KIAA1549L: variants seen among roughly 807,000 people sequenced by gnomAD.
KIAA1549L encodes the protein UPF0606 protein KIAA1549L.
In KIAA1549L, 88 loss-of-function variants were observed where a neutral mutation model predicts 160.7. That is an observed-to-expected ratio of 0.55 (90% confidence interval 0.46 to 0.65). The LOEUF (loss-of-function observed/expected upper bound fraction) is 0.65, where lower values mean the gene tolerates loss of function less well. KIAA1549L is among the 30% of genes least tolerant of loss of function. The pLI, the probability that KIAA1549L is intolerant of heterozygous loss-of-function variation, is 0.00. For synonymous variants in KIAA1549L, 950 were observed against 976.7 expected (o/e 0.97, Z 0.51); for missense variants, 2,258 against 2,437.5 (o/e 0.93, Z 1.55).
At chr11:33,441,826 T>C (rs1019138330) in intron 1 of KIAA1549L, among the ~76,000 whole-genome samples, 15 of 152,244 alleles carry the variant, frequency 9.9e-5, no homozygotes, top group Non-Finnish European at 1.5e-4. Context: ...ATTAGCCCTT[T>C]GTCAGATGAG....
intron 13 of KIAA1549L, among the ~76,000 whole-genome samples, chr11:33,602,650 G>A (rs1850395049): frequency 6.6e-6 from 1 of 152,028 alleles, no homozygotes; most frequent in South Asian, 2.1e-4. Flanking sequence ...ACTGTGATGC[G>A]ATGCTATGCT....
intron 1 of KIAA1549L, among the ~76,000 whole-genome samples, chr11:33,478,727 A>T (rs1284042101): frequency 2.0e-5 from 3 of 152,084 alleles, no homozygotes; most frequent in Non-Finnish European, 2.9e-5. Context: ...AGGTGCTATT[A>T]TTTTTTTAAA....
intron 1 of KIAA1549L, among the ~76,000 whole-genome samples, chr11:33,496,967 C>G (rs1852835260): frequency 6.6e-6 from 1 of 152,162 alleles, no homozygotes; most frequent in Non-Finnish European, 1.5e-5. Context: ...TCTACCCCCA[C>G]AAACCCTTGC....
chr11:33,593,586 G>A (rs950172139), intron 12 of KIAA1549L, among the ~76,000 whole-genome samples: 1 of 152,242 alleles, frequency 6.6e-6, no homozygotes, highest in Non-Finnish European at 1.5e-5. Context: ...TCATGGGATG[G>A]TGTGAGAAGT....
rs71034686 is a variant in KIAA1549L, at chr11:33,435,759, GATATATATATATATATATATAT to G, written c.238+58901_238+58922del. ...CCTTCCAGAGAAACAGAACCAATAA[GATATATATATATATATATATAT>G]ATATATATATATATATATATATATA... On this transcript the variant is annotated intron_variant, in intron 1 of 20. Coordinates refer to ENST00000658780, the MANE Select transcript of KIAA1549L (RefSeq NM_012194.3). Among the ~76,000 whole-genome samples the G allele has an allele frequency of 6.7e-4, 10 of 14,988 alleles. 1 individual carries two copies. Among genetic ancestry groups the G allele is most frequent in the East Asian group, 1.9e-3 (1 of 532 alleles). 9.8% of individuals were successfully genotyped at this position (14,988 alleles called of 152,430 possible). A position where few individuals can be genotyped will look rare whatever the true frequency, so the allele number is the denominator to read the frequency against.
In KIAA1549L at chr11:33,411,383, A is replaced by C. The variant is rs145981928; in HGVS notation, c.238+34494A>C. Among the ~76,000 whole-genome samples, 232 of 152,228 alleles carry C rather than the reference A, an allele frequency of 1.5e-3. 1 individual carries two copies. Among genetic ancestry groups the C allele is most frequent in the African/African-American group, 5.5e-3 (227 of 41,532 alleles). On this transcript the variant is annotated intron_variant, in intron 1 of 20. Transcript: ENST00000658780. The stretch of plus-strand genomic sequence containing the variant: ...ACTCCACCTGAGACAACTGAAGCTG[A>C]TCCCTGGGGCAGCCTGCTCCTGCTG...
intron 1 of KIAA1549L, among the ~76,000 whole-genome samples, chr11:33,397,755 CAA>C (rs1340270168): frequency 1.7e-4 from 21 of 127,118 alleles, no homozygotes; most frequent in African/African-American, 5.3e-4. Context: ...CACACACACA[CAA>C]AAGTGAAAAC....
At chr11:33,491,305 A>G (rs1025280348) in intron 1 of KIAA1549L, among the ~76,000 whole-genome samples, 2 of 152,196 alleles carry the variant, frequency 1.3e-5, no homozygotes, top group African/African-American at 4.8e-5. Flanking sequence ...AGGGCTTTCA[A>G]TCCCCTTGGG....
At chr11:33,462,488 C>T (rs925251523) in intron 1 of KIAA1549L, among the ~76,000 whole-genome samples, 1 of 152,178 alleles carries the variant, frequency 6.6e-6, no homozygotes, top group Non-Finnish European at 1.5e-5. Context: ...TAGTGTGTTT[C>T]TTTCCCAAAT....
At chr11:33,461,264 T>C (rs1851936935) in intron 1 of KIAA1549L, among the ~76,000 whole-genome samples, 1 of 152,166 alleles carries the variant, frequency 6.6e-6, no homozygotes, top group Non-Finnish European at 1.5e-5. Flanking sequence ...GTATCTATTA[T>C]GTATTGTGCA....
At chr11:33,530,401 AAAG>A (rs1322448838) in intron 1 of KIAA1549L, among the ~76,000 whole-genome samples, 4 of 104,230 alleles carry the variant, frequency 3.8e-5, no homozygotes, top group Non-Finnish European at 5.7e-5. Flanking sequence ...GACTCCGTCT[AAAG>A]AAGAAGAAGG....
rs60029190 is a variant in KIAA1549L, at chr11:33,520,684, AACACACACACACACACACACAC to A, written c.239-21083_239-21062del. On this transcript the variant is annotated intron_variant, in intron 1 of 20. Coordinates refer to ENST00000658780, the MANE Select transcript of KIAA1549L (RefSeq NM_012194.3). ...TGGTGGACATACACCCCCCACCCCC[AACACACACACACACACACACAC>A]ACACACACACACACACACACACACA... Among the ~76,000 whole-genome samples, 35 of 84,796 alleles carry A rather than the reference AACACACACACACACACACACAC, an allele frequency of 4.1e-4. No homozygotes were observed. The East Asian group carries it at 5.0e-3, about 12-fold the overall frequency. 55.6% of individuals were successfully genotyped at this position (84,796 alleles called of 152,430 possible).
intron 1 of KIAA1549L, among the ~76,000 whole-genome samples, chr11:33,508,664 T>C (rs1285947483): frequency 6.6e-6 from 1 of 152,196 alleles, no homozygotes; most frequent in African/African-American, 2.4e-5. Flanking sequence ...AGCCCCGTCT[T>C]CCTTGAGTCA....
At chr11:33,541,428 T>G (rs1191656863) in intron 1 of KIAA1549L, among the ~76,000 whole-genome samples, 1 of 152,244 alleles carries the variant, frequency 6.6e-6, no homozygotes. Flanking sequence ...TTTAGTTTCG[T>G]GCATTTTGGT....
intron 1 of KIAA1549L, among the ~76,000 whole-genome samples, chr11:33,385,757 T>A (rs189202885): frequency 3.3e-5 from 5 of 152,182 alleles, no homozygotes; most frequent in African/African-American, 7.2e-5. Context: ...TTTTTTTTTT[T>A]AATCCGTGAA....
chr11:33,542,010 TAGGGCTCACGCGGAC>T lies in KIAA1549L; in HGVS notation c.448_462del (p.Arg150_Asp154del), dbSNP rs1854035696. On this transcript the variant is annotated inframe_deletion, in exon 2 of 21. Transcript: ENST00000658780. ...CTGCGTCCAAGACACACCACAGAAC[TAGGGCTCACGCGGAC>T]TTCTCTTCTTCCCTTTACCAAGGAA... is the stretch of plus-strand genomic sequence containing the variant. 2.2e-6 allele frequency: 1 copy of T among 451,662 alleles called. No individual in the cohort carries two copies. The highest frequency in any genetic ancestry group is 2.0e-5 in the African/African-American group (1 of 50,038). The allele number at this position is 451,662 out of a possible 1,614,324, so 28.0% of individuals were successfully genotyped here.
chr11:33,531,033 T>C (rs1381997792), intron 1 of KIAA1549L, among the ~76,000 whole-genome samples: 1 of 152,190 alleles, frequency 6.6e-6, no homozygotes, highest in Non-Finnish European at 1.5e-5. Context: ...CTTGATGCGG[T>C]GGGATGTGCA....
At chr11:33,538,045 G>A (rs1245257867) in intron 1 of KIAA1549L, among the ~76,000 whole-genome samples, 2 of 152,188 alleles carry the variant, frequency 1.3e-5, no homozygotes, top group African/African-American at 2.4e-5. Context: ...GATCAGCATG[G>A]CTGGGGAGGC....
At chr11:33,654,496 A>G (rs1043849119) in intron 17 of KIAA1549L, among the ~76,000 whole-genome samples, 5 of 152,154 alleles carry the variant, frequency 3.3e-5, no homozygotes, top group African/African-American at 9.7e-5. Context: ...TTTCTCCAAC[A>G]AGGATTTACA....
Sources: allele counts gnomAD v4.1 joint callset (sites outside exome capture counted in the v4.1 genomes callset), GRCh38; gene constraint gnomAD v4.1.1; transcripts MANE v1.5; gene names NCBI Gene and HGNC (gene_info 2026-07-23, HGNC 2026-07-21).